CAMKMT: variants seen among roughly 807,000 people sequenced by gnomAD.
The protein encoded by CAMKMT is CaM KMT.
A neutral mutation model predicts 48.0 loss-of-function variants in CAMKMT; 53 were observed. That is an observed-to-expected ratio of 1.10 (90% CI 0.89 to 1.39). CAMKMT has a LOEUF of 1.39. Among genes scored for constraint, CAMKMT ranks in the 40% most tolerant of loss-of-function variants. The pLI is 0.00. For missense variants in CAMKMT, 428 were observed against 402.7 expected (o/e 1.06, Z -0.54); for synonymous variants, 165 against 152.3 (o/e 1.08, Z -0.61).
At chr2:44,499,563 A>T (rs1000412887) in intron 3 of CAMKMT, among the ~76,000 whole-genome samples, 7 of 152,230 alleles carry the variant, frequency 4.6e-5, no homozygotes, top group Non-Finnish European at 1.5e-5. Flanking sequence ...TCTTATAGTG[A>T]ATCATAGAGA....
At chr2:44,447,596 G>GC (rs1205453237) in intron 3 of CAMKMT, among the ~76,000 whole-genome samples, 3 of 152,180 alleles carry the variant, frequency 2.0e-5, no homozygotes, top group Non-Finnish European at 2.9e-5. Context: ...TCTGCAATGT[G>GC]CAACCTGGGA....
At chr2:44,413,836 T>G (rs918317756) in intron 3 of CAMKMT, among the ~76,000 whole-genome samples, 1 of 152,214 alleles carries the variant, frequency 6.6e-6, no homozygotes, top group Non-Finnish European at 1.5e-5. Context: ...GGAACTACCA[T>G]ACTGTTCCAG....
intron 9 of CAMKMT, 93 bp downstream of exon 9, chr2:44,754,211 G>A: frequency 1.0e-6 from 1 of 957,006 alleles, no homozygotes. Flanking sequence ...CAGGATTAAT[G>A]TCATGTAATA....
intron 3 of CAMKMT, among the ~76,000 whole-genome samples, chr2:44,422,413 C>T (rs1041569956): frequency 6.6e-6 from 1 of 152,100 alleles, no homozygotes; most frequent in African/African-American, 2.4e-5. Flanking sequence ...GAATATTGGG[C>T]AATTCTCAGA....
intron 2 of CAMKMT, among the ~76,000 whole-genome samples, chr2:44,379,711 A>AT (rs1212854266): frequency 2.8e-5 from 4 of 142,284 alleles, no homozygotes; most frequent in Non-Finnish European, 3.1e-5. Flanking sequence ...GGCCATTTGT[A>AT]TTTTTTTTCT....
intron 3 of CAMKMT, among the ~76,000 whole-genome samples, chr2:44,518,460 G>T (rs981842641): frequency 9.2e-5 from 14 of 152,124 alleles, no homozygotes; most frequent in African/African-American, 3.4e-4. Context: ...GTGAAAGTAG[G>T]AGGAATAATC....
intron 3 of CAMKMT, among the ~76,000 whole-genome samples, chr2:44,601,771 T>G (rs1237180413): frequency 1.3e-5 from 2 of 152,024 alleles, no homozygotes; most frequent in East Asian, 1.9e-4. Flanking sequence ...AAACTTAATA[T>G]TAAACATTTC....
chr2:44,755,938 A>C (rs1680356408), intron 9 of CAMKMT, among the ~76,000 whole-genome samples: 1 of 152,144 alleles, frequency 6.6e-6, no homozygotes, highest in Non-Finnish European at 1.5e-5. Context: ...TTAGAATGGC[A>C]GTGGGGGGGC....
At chr2:44,638,077 AAAAG>A (rs1673238570) in intron 3 of CAMKMT, among the ~76,000 whole-genome samples, 1 of 151,716 alleles carries the variant, frequency 6.6e-6, no homozygotes, top group Non-Finnish European at 1.5e-5. Context: ...AAAAAAGAGA[AAAAG>A]AAAAAGAAAA....
At chr2:44,381,940 C>CT (rs11440012) in intron 2 of CAMKMT, among the ~76,000 whole-genome samples, 67,340 of 124,716 alleles carry the variant, frequency 0.54, 20,280 homozygotes, top group South Asian at 0.67. Context: ...TTATCTTACA[C>CT]TTTTTTTTTT....
At chr2:44,732,708 G>A (rs540218250) in intron 7 of CAMKMT, among the ~76,000 whole-genome samples, 3 of 152,114 alleles carry the variant, frequency 2.0e-5, no homozygotes, top group East Asian at 1.9e-4. Context: ...TGCCATTCAC[G>A]TATCTTCTCT....
In CAMKMT at chr2:44,539,930, G is replaced by C. The variant is rs115327846; in HGVS notation, c.376+149625G>C. Among the ~76,000 whole-genome samples the C allele has an allele frequency of 5.7e-4, 86 of 152,212 alleles. 1 individual carries two copies. The highest frequency in any genetic ancestry group is 2.0e-3 in the African/African-American group (85 of 41,540). The stretch of plus-strand genomic sequence containing the variant: ...TGGCTTCCAGGTTTTCCAGTGTAAA[G>C]TTACTGTTTTTCTTTTTATAACTAA... On this transcript the variant is annotated intron_variant, in intron 3 of 10. Transcript: ENST00000378494.
At chr2:44,465,406 T>A (rs1367370369) in intron 3 of CAMKMT, among the ~76,000 whole-genome samples, 1 of 152,160 alleles carries the variant, frequency 6.6e-6, no homozygotes, top group Non-Finnish European at 1.5e-5. Context: ...AAGACCAGCC[T>A]GACCAATATG....
chr2:44,543,613 TCCAAC>T (rs1667247148), intron 3 of CAMKMT, among the ~76,000 whole-genome samples: 1 of 152,150 alleles, frequency 6.6e-6, no homozygotes, highest in Non-Finnish European at 1.5e-5. Context: ...TTTTGAGTGG[TCCAAC>T]CCAACCCTAT....
At chr2:44,524,046 G>A (rs966699113) in intron 3 of CAMKMT, among the ~76,000 whole-genome samples, 12 of 152,048 alleles carry the variant, frequency 7.9e-5, no homozygotes, top group Admixed American at 3.9e-4. Context: ...CAAAGTGCTG[G>A]GATTACAGGC....
chr2:44,414,231 A>G (rs1343396568), intron 3 of CAMKMT, among the ~76,000 whole-genome samples: 1 of 152,208 alleles, frequency 6.6e-6, no homozygotes, highest in Non-Finnish European at 1.5e-5. Flanking sequence ...TTATTGCTAT[A>G]TAGCACATTG....
intron 6 of CAMKMT, 47 bp from the exon 7 acceptor site, chr2:44,715,239 TG>T: frequency 7.9e-7 from 1 of 1,257,950 alleles, no homozygotes; most frequent in Non-Finnish European, 1.1e-6. Flanking sequence ...CCTTTTTTTT[TG>T]GTCACTTCAC....
chr2:44,769,495 C>CATA (rs1470224431), intron 10 of CAMKMT, among the ~76,000 whole-genome samples: 3 of 152,214 alleles, frequency 2.0e-5, no homozygotes, highest in Admixed American at 6.5e-5. Flanking sequence ...TCATTGCCCT[C>CATA]ATAGTGTGGT....
intron 3 of CAMKMT, among the ~76,000 whole-genome samples, chr2:44,523,034 C>T (rs1399796668): frequency 6.6e-6 from 1 of 152,064 alleles, no homozygotes; most frequent in African/African-American, 2.4e-5. Flanking sequence ...TCAGTGTTAG[C>T]CTCTAGAGTA....
Sources: allele counts gnomAD v4.1 joint callset (sites outside exome capture counted in the v4.1 genomes callset), GRCh38; gene constraint gnomAD v4.1.1; transcripts MANE v1.5; gene names NCBI Gene and HGNC (gene_info 2026-07-23, HGNC 2026-07-21).